GLG1: variants seen among roughly 807,000 people sequenced by gnomAD.
GLG1 encodes the protein golgi glycoprotein 1, also known as Golgi apparatus protein 1.
GLG1 carries 38 observed loss-of-function variants against 160.5 expected under a neutral mutation model. The ratio of observed to expected loss-of-function variants is 0.24; its 90% confidence interval spans 0.18 to 0.31. GLG1 has a LOEUF of 0.31. GLG1 is among the 10% of genes least tolerant of loss of function. The pLI is 1.00. For missense variants in GLG1, 1,373 were observed against 1,505.2 expected, an observed-to-expected ratio of 0.91 and a Z score of 1.45; for synonymous variants, 644 against 543.4, an observed-to-expected ratio of 1.19 and a Z score of -2.57.
At chr16:74,481,911 G>A (rs1187064835) in intron 10 of GLG1, among the ~76,000 whole-genome samples, 2 of 151,950 alleles carry the variant, frequency 1.3e-5, no homozygotes, top group Admixed American at 6.6e-5. Flanking sequence ...TCAGCCTCCC[G>A]AGTAGCTGGG....
intron 2 of GLG1, among the ~76,000 whole-genome samples, chr16:74,519,390 A>G (rs9928682): frequency 0.99 from 150,409 of 151,636 alleles, 74,622 homozygotes; most frequent in Non-Finnish European, 1. Flanking sequence ...TGTAGGTGAC[A>G]GGTTGATGGG....
rs191381580 is a variant in GLG1 at position 74,458,279 on chromosome 16, G to A, written c.3145-285C>T. 529 of 285,452 alleles carry A rather than the reference G, an allele frequency of 1.9e-3. 6 individuals carry two copies. The South Asian group carries it at 0.024, about 13-fold the overall frequency. 17.7% of individuals were successfully genotyped at this position (285,452 alleles called of 1,614,324 possible). A position where few individuals can be genotyped will look rare whatever the true frequency, so the allele number is the denominator to read the frequency against. On this transcript the variant is annotated intron_variant, in intron 23 of 25. Transcript: ENST00000422840. Reference sequence around the variant, plus strand: ...TTTTGGCATTCCCGTATGTCATGTCGTATCATTTTAAAATACCTAAACGTT... The same window carrying A: ...TTTTGGCATTCCCGTATGTCATGTCATATCATTTTAAAATACCTAAACGTT...
intron 2 of GLG1, among the ~76,000 whole-genome samples, chr16:74,524,536 C>CT (rs888634618): frequency 1.5e-3 from 205 of 135,334 alleles, no homozygotes; most frequent in Admixed American, 3.1e-3. Context: ...GTACTATGGT[C>CT]TTTTTTTTTT....
Position 74,564,081 on chromosome 16 carries a change from C to T in GLG1, c.439-31928G>A, listed in dbSNP as rs566278574. Reference sequence around the variant, plus strand: ...AACTACCAGCATGTGCCACGAGGCCCGGCTAATTTTTGTATTTTCTGTAGA... The same window carrying T: ...AACTACCAGCATGTGCCACGAGGCCTGGCTAATTTTTGTATTTTCTGTAGA... On this transcript the variant is annotated intron_variant, in intron 1 of 25. Transcript: ENST00000422840. Among the ~76,000 whole-genome samples the T allele has an allele frequency of 5.9e-5, 9 of 152,260 alleles. No homozygotes were observed. The East Asian group carries it at 1.5e-3, about 26-fold the overall frequency.
At chr16:74,571,013 G>A (rs1225278785) in intron 1 of GLG1, among the ~76,000 whole-genome samples, 1 of 151,788 alleles carries the variant, frequency 6.6e-6, no homozygotes, top group Non-Finnish European at 1.5e-5. Context: ...ATCTGGGCAT[G>A]GCTACCTGAC....
intron 9 of GLG1, among the ~76,000 whole-genome samples, chr16:74,483,414 G>A (rs2015676899): frequency 6.6e-6 from 1 of 152,092 alleles, no homozygotes; most frequent in African/African-American, 2.4e-5. Context: ...AGAGAATAAT[G>A]TAACAGCCAC....
At chr16:74,554,346 CAACAT>C (rs1370433214) in intron 1 of GLG1, among the ~76,000 whole-genome samples, 3 of 152,132 alleles carry the variant, frequency 2.0e-5, no homozygotes, top group Non-Finnish European at 4.4e-5. Context: ...CCAGCCTGGT[CAACAT>C]AGTGAAACCC....
chr16:74,557,959 T>C lies in GLG1; in HGVS notation c.439-25806A>G, dbSNP rs566563915. On this transcript the variant is annotated intron_variant, in intron 1 of 25. Coordinates refer to ENST00000422840, the MANE Select transcript of GLG1 (RefSeq NM_001145667.2). ...TTTTTATGGAAGACATACCACTCAT[T>C]TGTAAAGAACATATGCTGAACAAAA... is the stretch of plus-strand genomic sequence containing the variant. Among the ~76,000 whole-genome samples the C allele has an allele frequency of 8.5e-5, 13 of 152,278 alleles. 1 individual carries two copies. In the South Asian group the frequency reaches 2.5e-3, roughly 29 times the overall value.
chr16:74,536,029 G>A (rs1483937111), intron 1 of GLG1, among the ~76,000 whole-genome samples: 1 of 152,028 alleles, frequency 6.6e-6, no homozygotes, highest in African/African-American at 2.4e-5. Flanking sequence ...AAATGAACTC[G>A]AGAAAGTAAA....
At chr16:74,558,588 T>A (rs1401135494) in intron 1 of GLG1, among the ~76,000 whole-genome samples, 1 of 152,270 alleles carries the variant, frequency 6.6e-6, no homozygotes, top group Non-Finnish European at 1.5e-5. Context: ...CACACATTTG[T>A]AAATTTCAGG....
intron 12 of GLG1, 22 bp from the exon 13 acceptor site, chr16:74,474,654 A>AGTGG: frequency 1.7e-6 from 2 of 1,147,608 alleles, no homozygotes; most frequent in Non-Finnish European, 2.7e-6. Context: ...AAGGCAAGCC[A>AGTGG]CTGGCATTTA....
intron 12 of GLG1, among the ~76,000 whole-genome samples, chr16:74,476,386 A>G (rs2015391285): frequency 6.6e-6 from 1 of 152,206 alleles, no homozygotes; most frequent in Non-Finnish European, 1.5e-5. Context: ...ACAGAACTGT[A>G]GCAGGCTCAG....
At chr16:74,463,632 G>A (rs531622523) in intron 19 of GLG1, among the ~76,000 whole-genome samples, 153 bp from the exon 20 acceptor site, 4 of 152,142 alleles carry the variant, frequency 2.6e-5, no homozygotes, top group South Asian at 2.1e-4. Flanking sequence ...TCCGCCTCCC[G>A]AGTTCAAGCG....
chr16:74,583,095 A>C (rs1408805456), intron 1 of GLG1, among the ~76,000 whole-genome samples: 1 of 152,068 alleles, frequency 6.6e-6, no homozygotes, highest in Non-Finnish European at 1.5e-5. Flanking sequence ...CCTGTTACCT[A>C]TAATTCCCTC....
intron 1 of GLG1, among the ~76,000 whole-genome samples, chr16:74,592,417 C>A (rs975658729): frequency 4.6e-5 from 7 of 152,060 alleles, no homozygotes; most frequent in Admixed American, 3.9e-4. Flanking sequence ...GTGCTGAGAG[C>A]CACTGCACCC....
intron 1 of GLG1, among the ~76,000 whole-genome samples, chr16:74,567,432 A>C (rs2018687367): frequency 6.6e-6 from 1 of 152,206 alleles, no homozygotes; most frequent in South Asian, 2.1e-4. Flanking sequence ...AAGCAAATAC[A>C]AAACATTGGG....
intron 8 of GLG1, among the ~76,000 whole-genome samples, chr16:74,487,518 T>C (rs1010519838): frequency 7.2e-5 from 11 of 152,204 alleles, no homozygotes; most frequent in African/African-American, 1.7e-4. Flanking sequence ...TATTCTACGA[T>C]AGAAGTTATT....
Position 74,503,578 on chromosome 16 carries a change from T to C in GLG1, c.727A>G (p.Asn243Asp). 2 of 1,613,958 alleles carry C rather than the reference T, an allele frequency of 1.2e-6. No individual in the cohort carries two copies. The highest frequency in any genetic ancestry group is 1.7e-6 in the Non-Finnish European group (2 of 1,179,856). ...LICGFMDDCK[N>D]DINILKCGSI... ...CCACATTTCAGAATGTTGATGTCAT[T>C]TTTGCAGTCATCCATGAAGCCACAG... The change falls in exon 4 of 26, where the codon AAT becomes GAT. Residue 243 changes from asparagine (N) to aspartate (D), a missense_variant. Asn to Asp is a conservative substitution (Grantham distance 23). Around this residue, in one of 4 missense-constraint regions of GLG1, gnomAD observed 174 missense variants for 229.9 expected, o/e 0.76. Coordinates refer to ENST00000422840, the MANE Select transcript of GLG1 (RefSeq NM_001145667.2).
At position 74,498,576 on chromosome 16, in the gene GLG1, A is replaced by T. The variant is rs574864678; in HGVS notation, c.775-1932T>A. 6.0e-4 allele frequency among the ~76,000 whole-genome samples: 87 copies of T among 144,664 alleles called. No homozygotes were observed. In the East Asian group the frequency reaches 0.015, roughly 25 times the overall value. 94.9% of individuals were successfully genotyped at this position (144,664 alleles called of 152,430 possible). ...ATGAAATAATCTGCATATAATAAAA[A>T]GATTCTGGCCAGGCGTGGTGGCTCA... On this transcript the variant is annotated intron_variant, in intron 4 of 25. Transcript: ENST00000422840.
Sources: allele counts gnomAD v4.1 joint callset (sites outside exome capture counted in the v4.1 genomes callset), GRCh38; gene constraint gnomAD v4.1.1; regional missense constraint gnomAD v4.1.1; transcripts MANE v1.5; gene names NCBI Gene and HGNC (gene_info 2026-07-23, HGNC 2026-07-21).